DNAH2: variants seen among roughly 807,000 people sequenced by gnomAD.
DNAH2 encodes dynein axonemal heavy chain 2.
In DNAH2, 323 loss-of-function variants were observed where a neutral mutation model predicts 523.5. The ratio of observed to expected loss-of-function variants is 0.62; its 90% CI spans 0.56 to 0.68. The LOEUF (loss-of-function observed/expected upper bound fraction) is 0.68, where lower values mean the gene tolerates loss of function less well. Ranked by LOEUF, DNAH2 falls within the 30% of genes least tolerant of loss-of-function variation. The probability of loss-of-function intolerance (pLI) is 0.00; values close to 1 mark genes in which losing one functional copy is unlikely to be tolerated. For synonymous variants in DNAH2, 2,093 were observed against 2,177.4 expected (o/e 0.96, Z 1.08); for missense variants, 4,907 against 5,701.5 (o/e 0.86, Z 4.49).
Position 7,824,266 on chromosome 17 carries a change from C to A in DNAH2, c.11624C>A (p.Pro3875His). 1 of 1,549,910 alleles carries A rather than the reference C, an allele frequency of 6.5e-7. No homozygotes were observed. Among genetic ancestry groups the A allele is most frequent in the Non-Finnish European group, 8.7e-7 (1 of 1,152,948 alleles). ...HALSLGQGQA[P>H]IAARLLREGV... The stretch of plus-strand genomic sequence containing the variant: ...CTGTCCCTGGGCCAGGGCCAGGCCC[C>A]CATCGCTGCTCGGCTCCTCCGAGAG... Residue 3875 changes from proline to histidine, a missense_variant, in exon 76 of 86, where the codon CCC (proline) becomes CAC (histidine). By Grantham distance (77) the Pro-to-His change is moderately conservative. This residue lies in a region of DNAH2 where 1,851 missense variants were observed against 2,139.4 expected (regional missense o/e 0.87). Coordinates refer to ENST00000572933, the MANE Select transcript of DNAH2 (RefSeq NM_020877.5).
chr17:7,763,835 A>G lies in DNAH2; in HGVS notation c.2983A>G (p.Thr995Ala). 3 of 1,614,088 alleles carry G rather than the reference A, an allele frequency of 1.9e-6. No individual in the cohort carries two copies. Among genetic ancestry groups the G allele is most frequent in the Non-Finnish European group, 2.5e-6 (3 of 1,180,040 alleles). Residue 995 changes from threonine to alanine, a missense_variant, in exon 19 of 86, where the codon ACG becomes GCG. Transcript: ENST00000572933. ...TGGGATCTGGGGCTCTTGCAGCTAC[A>G]CGGAAGTTGCTAATAACGTGCAGAA... Reference protein sequence around the residue: ...SSFVADIARYTEVANNVQKEE... With the variant: ...SSFVADIARYAEVANNVQKEE...
intron 28 of DNAH2, among the ~76,000 whole-genome samples, chr17:7,772,004 C>T (rs1000929768): frequency 6.6e-6 from 1 of 152,208 alleles, no homozygotes; most frequent in African/African-American, 2.4e-5. Context: ...GTGTGGGACA[C>T]TGAGCCCAGC....
Position 7,832,622 on chromosome 17 carries a change from T to C in DNAH2, c.12770T>C (p.Leu4257Ser), listed in dbSNP as rs2078214834. The change falls in exon 83 of 86, where the codon TTG becomes TCG. Residue 4257 changes from leucine (L) to serine (S), a missense_variant. This residue lies in a region of DNAH2 where 1,851 missense variants were observed against 2,139.4 expected (regional missense o/e 0.87). Coordinates refer to ENST00000572933, the MANE Select transcript of DNAH2 (RefSeq NM_020877.5). This position sits in a 1 kb window ranked among gnomAD's most constrained non-coding sequence, Gnocchi z 4.3. ...QKPLAAWTRD[L>S]AMRVEQFELW... ...CCATTGGCTGCCTGGACCCGGGACT[T>C]GGCCATGCGTGTGGAGCAGTTTGAG... 4 of 1,614,180 alleles carry C rather than the reference T, an allele frequency of 2.5e-6. No homozygotes were observed. The highest frequency in any genetic ancestry group is 3.4e-6 in the Non-Finnish European group (4 of 1,180,040).
chr17:7,790,145 A>C (rs983820482), intron 44 of DNAH2, among the ~76,000 whole-genome samples: 3 of 152,240 alleles, frequency 2.0e-5, no homozygotes, highest in African/African-American at 7.2e-5. Context: ...CAGTCAGAAG[A>C]AAGATATCTG....
Position 7,787,871 on chromosome 17 carries a change from G to C in DNAH2, c.6615G>C (p.Leu2205=), listed in dbSNP as rs200546760. 22 of 1,613,808 alleles carry C rather than the reference G, an allele frequency of 1.4e-5. No homozygotes were observed. In the Admixed American group the frequency reaches 3.7e-4, roughly 27 times the overall value. Reference sequence around the variant, plus strand: ...ACGTATATCCTTAGGTGTCTCTCCTGTTTGAAGTGGAGGACCTGGCAATGG... The same window carrying C: ...ACGTATATCCTTAGGTGTCTCTCCTCTTTGAAGTGGAGGACCTGGCAATGG... ...RIAMPEQVSL[L]FEVEDLAMAS... Residue 2205 remains leucine (L), a synonymous_variant, in exon 43 of 86, where the codon CTG becomes CTC. Transcript: ENST00000572933.
chr17:7,723,768 G>A, intron 3 of DNAH2, 79 bp downstream of exon 3: 2 of 1,263,680 alleles, frequency 1.6e-6, no homozygotes, highest in Non-Finnish European at 2.3e-6. Flanking sequence ...GATGGCACAT[G>A]AGGAATTCTC....
At chr17:7,734,386 T>C in intron 6 of DNAH2, 84 bp from the exon 7 acceptor site, 3 of 1,597,034 alleles carry the variant, frequency 1.9e-6, no homozygotes, top group Non-Finnish European at 2.6e-6. Flanking sequence ...GGTTAGGAGG[T>C]CTCTGTCGGG....
At chr17:7,752,907 C>A (rs908885111) in intron 12 of DNAH2, among the ~76,000 whole-genome samples, 1 of 152,040 alleles carries the variant, frequency 6.6e-6, no homozygotes, top group Admixed American at 6.6e-5. Context: ...CATGAAAAAC[C>A]AATTTCTGGC....
At position 7,765,572 on chromosome 17, in the gene DNAH2, C is replaced by G; in HGVS notation, c.3511+7C>G. 6.2e-7 allele frequency: 1 copy of G among 1,609,170 alleles called. No homozygotes were observed. Among genetic ancestry groups the G allele is most frequent in the Non-Finnish European group, 8.5e-7 (1 of 1,177,298 alleles). ...GAAGATTTCGAATTCAAAGGTACTC[C>G]TTGATCCACCTCTCCCGCTTCTTTA... On this transcript the variant is annotated splice_region_variant and intron_variant, in intron 21 of 85. Coordinates refer to ENST00000572933, the MANE Select transcript of DNAH2 (RefSeq NM_020877.5).
rs1397801194 is a variant in DNAH2, at chr17:7,833,115, G to C, written c.13023G>C (p.Trp4341Cys). The change falls in exon 85 of 86, where the codon TGG (tryptophan) becomes TGC (cysteine). Residue 4341 changes from tryptophan (W) to cysteine (C), a missense_variant. Trp to Cys is a radical substitution (Grantham distance 215). Transcript: ENST00000572933. ...GCCTGTACCTGGAAGGTGCTGGCTG[G>C]GACCGGAAGAACTCCTGCTTGGTGG... ...VRGLYLEGAG[W>C]DRKNSCLVEA... 1 of 1,612,940 alleles carries C rather than the reference G, an allele frequency of 6.2e-7. No individual in the cohort carries two copies.
chr17:7,818,515 A>G, intron 69 of DNAH2, 55 bp downstream of exon 69: 1 of 1,606,744 alleles, frequency 6.2e-7, no homozygotes, highest in Non-Finnish European at 8.5e-7. Flanking sequence ...AGAGTTTGGA[A>G]GGATTGAGAA....
chr17:7,795,065 C>T (rs534987901), intron 49 of DNAH2, among the ~76,000 whole-genome samples: 1 of 151,890 alleles, frequency 6.6e-6, no homozygotes, highest in South Asian at 2.1e-4. Flanking sequence ...TTTTATTGAT[C>T]CTATGGAGTG....
Position 7,786,450 on chromosome 17 carries a change from G to C in DNAH2, c.6348+108G>C. ...TGCAAGGCCGGGAGAGCTGTACCTG[G>C]GACCATGGTGGCCTGGAGCGATGAG... On this transcript the variant is annotated intron_variant, in intron 40 of 85. Transcript: ENST00000572933. The surrounding 1 kb of genome is among the most constrained non-coding windows in gnomAD (Gnocchi z 7.5). 1 of 1,473,688 alleles carries C rather than the reference G, an allele frequency of 6.8e-7. No homozygotes were observed. The highest frequency in any genetic ancestry group is 1.8e-5 in the Admixed American group (1 of 56,048). 91.3% of individuals were successfully genotyped at this position (1,473,688 alleles called of 1,614,324 possible). A position where few individuals can be genotyped will look rare whatever the true frequency, so the allele number is the denominator to read the frequency against.
intron 11 of DNAH2, among the ~76,000 whole-genome samples, chr17:7,741,238 CTTTCTT>C (rs1279145980): frequency 7.5e-4 from 18 of 23,912 alleles, no homozygotes; most frequent in African/African-American, 2.3e-3. Flanking sequence ...TTCTCTCTCT[CTTTCTT>C]TCTTTCTTTC....
Position 7,833,641 on chromosome 17 carries a change from C to A in DNAH2, c.*108C>A, listed in dbSNP as rs1425244031. 6 of 1,499,534 alleles carry A rather than the reference C, an allele frequency of 4.0e-6. No individual in the cohort carries two copies. The highest frequency in any genetic ancestry group is 5.5e-6 in the Non-Finnish European group (6 of 1,100,818). The allele number at this position is 1,499,534 out of a possible 1,614,324, so 92.9% of individuals were successfully genotyped here. ...GACCTCACTCAGACTTTGACCTTGG[C>A]CGAATTTGTGTGATGTGGCCCTGGA... On this transcript the variant is annotated 3_prime_UTR_variant, in exon 86 of 86. Transcript: ENST00000572933.
intron 74 of DNAH2, 95 bp downstream of exon 74, chr17:7,823,723 T>G: frequency 1.9e-6 from 3 of 1,578,656 alleles, no homozygotes; most frequent in Non-Finnish European, 2.6e-6. Flanking sequence ...CTCTCCCAGC[T>G]GGTGCCTGCC....
chr17:7,761,038 A>T, intron 18 of DNAH2, 106 bp downstream of exon 18: 1 of 1,355,932 alleles, frequency 7.4e-7, no homozygotes, highest in Non-Finnish European at 1.0e-6. Flanking sequence ...TGAGGATGAC[A>T]TGTGTCCTCA....
At chr17:7,823,021 G>A (rs567521106) in intron 73 of DNAH2, among the ~76,000 whole-genome samples, 52 of 152,214 alleles carry the variant, frequency 3.4e-4, no homozygotes, top group African/African-American at 7.7e-4. Flanking sequence ...TGGGCTGGGC[G>A]CGGTGGCTGA....
At chr17:7,789,889 T>G (rs1344234826) in intron 44 of DNAH2, among the ~76,000 whole-genome samples, 1 of 152,158 alleles carries the variant, frequency 6.6e-6, no homozygotes, top group Admixed American at 6.5e-5. Context: ...GGATTGAGGA[T>G]TACTCTCTAA....
Sources: allele counts gnomAD v4.1 joint callset (sites outside exome capture counted in the v4.1 genomes callset), GRCh38; gene constraint gnomAD v4.1.1; regional missense constraint gnomAD v4.1.1; non-coding constraint Gnocchi (gnomAD v3.1); transcripts MANE v1.5; gene names NCBI Gene and HGNC (gene_info 2026-07-23, HGNC 2026-07-21).